The following PI4KB variants were observed in gnomAD, a reference collection of about 807,000 sequenced individuals.
The protein encoded by PI4KB is phosphatidylinositol 4-kinase beta, also known as PtdIns 4-kinase beta.
PI4KB carries 23 observed loss-of-function variants against 81.4 expected under a neutral mutation model. That is an observed-to-expected ratio of 0.28 (90% CI 0.20 to 0.40). PI4KB has a LOEUF of 0.40. Ranked by LOEUF, PI4KB falls within the 10% of genes least tolerant of loss-of-function variation. The probability of loss-of-function intolerance (pLI) is 1.00; values close to 1 mark genes in which losing one functional copy is unlikely to be tolerated. For synonymous variants in PI4KB, 381 were observed against 406.8 expected (o/e 0.94, Z 0.76); for missense variants, 651 against 1,036.6 (o/e 0.63, Z 5.11).
At chr1:151,302,331 G>A in intron 6 of PI4KB, 33 bp from the exon 7 acceptor site, 2 of 1,494,708 alleles carry the variant, frequency 1.3e-6, no homozygotes, top group Non-Finnish European at 1.9e-6. Context: ...TTTGCTTGGA[G>A]AAGCTACCCC....
rs1290282005 is a variant in PI4KB at position 151,292,990 on chromosome 1, G to A, written c.2313C>T (p.Asn771=). The change falls in exon 12 of 12, where the codon AAC becomes AAT. Residue 771 remains asparagine, a synonymous_variant. Transcript: ENST00000368873. ...TGCTCATGTGGAACCTCTCTTTGAG[G>A]TTTCGAATGGTGCTGGAGCCATGGA... The part of the protein sequence containing the change: ...PCFHGSSTIR[N]LKERFHMSMT... 2.5e-6 allele frequency: 4 copies of A among 1,614,060 alleles called. No homozygotes were observed. Among genetic ancestry groups the A allele is most frequent in the East Asian group, 2.2e-5 (1 of 44,890 alleles).
chr1:151,299,107 T>A, intron 8 of PI4KB, 34 bp from the exon 9 acceptor site: 1 of 1,595,584 alleles, frequency 6.3e-7, no homozygotes, highest in African/African-American at 1.3e-5. Flanking sequence ...AGGACTCTTA[T>A]CTTTCTCCAA....
Position 151,316,402 on chromosome 1 carries a change from C to G in PI4KB, c.80G>C (p.Gly27Ala). Residue 27 changes from glycine (G) to alanine (A), a missense_variant, in exon 2 of 12, where the codon GGG (glycine) becomes GCG (alanine). Gly to Ala is a moderately conservative substitution (Grantham distance 60). This residue lies in a region of PI4KB where 314 missense variants were observed against 397.8 expected (regional missense o/e 0.79). Coordinates refer to ENST00000368873, the MANE Select transcript of PI4KB (RefSeq NM_001369623.2). ...PTSGPPGNNGGSLLSVITEGV... is the reference protein window; with the variant it reads ...PTSGPPGNNGASLLSVITEGV... ...CTCCGTGATGACACTTAGCAGGGAC[C>G]CCCCATTATTCCCTGGTGGGCCAGA... 1 of 1,596,006 alleles carries G rather than the reference C, an allele frequency of 6.3e-7. No individual in the cohort carries two copies. Among genetic ancestry groups the G allele is most frequent in the South Asian group, 1.1e-5 (1 of 87,768 alleles).
At position 151,306,164 on chromosome 1, in the gene PI4KB, A is replaced by G. The variant is rs748171554; in HGVS notation, c.1382T>C (p.Val461Ala). 3 of 1,614,094 alleles carry G rather than the reference A, an allele frequency of 1.9e-6. No homozygotes were observed. The highest frequency in any genetic ancestry group is 1.7e-6 in the Non-Finnish European group (2 of 1,180,000). Reference sequence around the variant, plus strand: ...CACTTGCAGCTCGCCTATGTCATCCACCGACCAGGCCTCATCATCGTTGTC... The same window carrying G: ...CACTTGCAGCTCGCCTATGTCATCCGCCGACCAGGCCTCATCATCGTTGTC... ...NYDNDDEAWS[V>A]DDIGELQVEL... The change falls in exon 5 of 12, where the codon GTG (valine) becomes GCG (alanine). Residue 461 changes from valine (V) to alanine (A), a missense_variant. Val to Ala is a moderately conservative substitution (Grantham distance 64). Around this residue, in one of 5 missense-constraint regions of PI4KB, gnomAD observed 246 missense variants for 430.1 expected, o/e 0.57. Transcript: ENST00000368873.
Position 151,315,968 on chromosome 1 carries a change from C to T in PI4KB, c.514G>A (p.Val172Met), listed in dbSNP as rs767548449. 6 of 1,612,828 alleles carry T rather than the reference C, an allele frequency of 3.7e-6. No individual in the cohort carries two copies. The highest frequency in any genetic ancestry group is 2.2e-5 in the South Asian group (2 of 91,042). Residue 172 changes from valine to methionine, a missense_variant, in exon 2 of 12, where the codon GTG (valine) becomes ATG (methionine). Val to Met is a conservative substitution (Grantham distance 21). Around this residue, in one of 5 missense-constraint regions of PI4KB, gnomAD observed 314 missense variants for 397.8 expected, o/e 0.79. Transcript: ENST00000368873. ...AGCAACTGGGGCAGATAGAAGTCCA[C>T]GTCCTCGTTGCGAAAGCAGAAGAGC... ...NRLFCFRNED[V>M]DFYLPQLLNM...
At chr1:151,310,342 G>A (rs1304369698) in intron 2 of PI4KB, 87 bp from the exon 3 acceptor site, 1 of 834,714 alleles carries the variant, frequency 1.2e-6, no homozygotes, top group Non-Finnish European at 2.0e-6. Flanking sequence ...GCTCCAACTT[G>A]GATCGTAACT....
chr1:151,308,318 C>T (rs1283013136), intron 3 of PI4KB, among the ~76,000 whole-genome samples: 3 of 152,202 alleles, frequency 2.0e-5, no homozygotes, highest in East Asian at 1.9e-4. Flanking sequence ...GGAAGATGCT[C>T]GTCATTCAAA....
intron 2 of PI4KB, 24 bp from the exon 3 acceptor site, chr1:151,310,279 G>A: frequency 1.3e-6 from 2 of 1,488,324 alleles, no homozygotes; most frequent in Non-Finnish European, 1.9e-6. Context: ...AGAGGGCAAA[G>A]GGAGAAGGAG....
rs375100933 is a variant in PI4KB, at chr1:151,301,919, G to C, written c.1674C>G (p.Leu558=). 2 of 1,613,950 alleles carry C rather than the reference G, an allele frequency of 1.2e-6. No individual in the cohort carries two copies. Among genetic ancestry groups the C allele is most frequent in the Non-Finnish European group, 1.7e-6 (2 of 1,180,030 alleles). ...SPYGHLPNWR[L]LSVIVKCGDD... ...CCCCACACTTGACAATGACTGACAG[G>C]AGCCGCCAATTGGGGAGATGGCCGT... Residue 558 remains leucine, a synonymous_variant, in exon 8 of 12, where the codon CTC becomes CTG. Transcript: ENST00000368873.
intron 1 of PI4KB, among the ~76,000 whole-genome samples, chr1:151,318,026 T>G (rs889516795): frequency 6.6e-6 from 1 of 152,110 alleles, no homozygotes; most frequent in East Asian, 1.9e-4. Context: ...TTGCCCAGGC[T>G]AGCTTTGAAC....
At chr1:151,316,814 TTTG>T (rs5777768) in intron 1 of PI4KB, among the ~76,000 whole-genome samples, 19,646 of 151,928 alleles carry the variant, frequency 0.13, 1,337 homozygotes, top group Admixed American at 0.16. Flanking sequence ...ACAAATTCTT[TTTG>T]TTGTTGTTGT....
At chr1:151,326,383 G>T in intron 1 of PI4KB, 1 of 571,558 alleles carries the variant, frequency 1.7e-6, no homozygotes, top group Non-Finnish European at 3.1e-6. Context: ...CCTGAAATAA[G>T]TGGTATGTGG....
At position 151,311,369 on chromosome 1, in the gene PI4KB, T is replaced by G. The variant is rs1012233964; in HGVS notation, c.910-1114A>C. On this transcript the variant is annotated intron_variant, in intron 2 of 11. Coordinates refer to ENST00000368873, the MANE Select transcript of PI4KB (RefSeq NM_001369623.2). ...TCTACTCTGAAATCTGCTGAGTAGATTCAAGCATCCACTTGAACTCAATTC... is the reference window on the plus strand; with the variant it reads ...TCTACTCTGAAATCTGCTGAGTAGAGTCAAGCATCCACTTGAACTCAATTC... Among the ~76,000 whole-genome samples, 13 of 152,306 alleles carry G rather than the reference T, an allele frequency of 8.5e-5. No homozygotes were observed. The South Asian group carries it at 2.5e-3, about 29-fold the overall frequency.
intron 1 of PI4KB, among the ~76,000 whole-genome samples, chr1:151,320,994 AACT>A (rs1648768029): frequency 6.6e-6 from 1 of 152,254 alleles, no homozygotes; most frequent in Non-Finnish European, 1.5e-5. Flanking sequence ...TGCCCCAATT[AACT>A]ACGATTGGGA....
At chr1:151,310,315 C>G (rs769917565) in intron 2 of PI4KB, 60 bp from the exon 3 acceptor site, 11 of 1,060,504 alleles carry the variant, frequency 1.0e-5, no homozygotes, top group Middle Eastern at 4.2e-4. Flanking sequence ...GGGAGAGAGA[C>G]AAAGGTAAAG....
chr1:151,292,707 C>T lies in PI4KB; in HGVS notation c.*145G>A. On this transcript the variant is annotated 3_prime_UTR_variant, in exon 12 of 12. Transcript: ENST00000368873. ...CCCCTCAGCAAGCTCTCGCAGTTAC[C>T]ACATGATCCTTCGTGTTTCTTGCCT... The T allele has an allele frequency of 1.3e-6, 1 of 751,728 alleles. No homozygotes were observed. Among genetic ancestry groups the T allele is most frequent in the Non-Finnish European group, 2.1e-6 (1 of 472,358 alleles). The allele number at this position is 751,728 out of a possible 1,614,324, so 46.6% of individuals were successfully genotyped here. A position where few individuals can be genotyped will look rare whatever the true frequency, so the allele number is the denominator to read the frequency against.
Position 151,307,706 on chromosome 1 carries a change from C to T in PI4KB, c.1050G>A (p.Gln350=). 1.1e-5 allele frequency: 18 copies of T among 1,614,140 alleles called. No homozygotes were observed. The highest frequency in any genetic ancestry group is 1.4e-5 in the Non-Finnish European group (16 of 1,179,996). ...GCAGGGAGAGCTCTGAGATCAGCCT[C>T]TGTGTTTTCTGCTCTTTGGTGGGGA... ...ATLPTKEQKT[Q]RLISELSLLN... The change falls in exon 4 of 12, where the codon CAG becomes CAA. Residue 350 remains glutamine, a synonymous_variant. Coordinates refer to ENST00000368873, the MANE Select transcript of PI4KB (RefSeq NM_001369623.2).
chr1:151,294,564 A>C, intron 9 of PI4KB, 23 bp from the exon 10 acceptor site: 1 of 1,613,170 alleles, frequency 6.2e-7, no homozygotes, highest in South Asian at 1.1e-5. Context: ...AATAGAGGAG[A>C]GGAAGAGGCA....
rs1265882725 is a variant in PI4KB, at chr1:151,324,899, A to G, written c.-29+2372T>C. The G allele has an allele frequency of 3.0e-6, 3 of 984,642 alleles. No homozygotes were observed. The South Asian group carries it at 1.4e-4, about 46-fold the overall frequency. 61.0% of individuals were successfully genotyped at this position (984,642 alleles called of 1,614,324 possible). ...GCTTTGGATGGTGTTCAGCATTCTC[A>G]TGGAGCGTGGACTCAACTCTAAGAA... is the stretch of plus-strand genomic sequence containing the variant. On this transcript the variant is annotated intron_variant, in intron 1 of 11. Coordinates refer to ENST00000368873, the MANE Select transcript of PI4KB (RefSeq NM_001369623.2).
Sources: gnomAD v4.1 joint callset for allele counts (sites outside exome capture counted in the v4.1 genomes callset) on GRCh38, gnomAD v4.1.1 for gene constraint, gnomAD v4.1.1 regional missense constraint, MANE v1.5 for transcripts, NCBI Gene and HGNC (gene_info 2026-07-23, HGNC 2026-07-21) for gene names.